INTS7: variants seen among roughly 807,000 people sequenced by gnomAD.
INTS7 encodes the protein integrator complex subunit 7, also known as chromosome 1 open reading frame 73.
INTS7 carries 46 observed loss-of-function variants against 109.2 expected under a neutral mutation model. The ratio of observed to expected loss-of-function variants is 0.42; its 90% CI spans 0.33 to 0.54. The LOEUF (loss-of-function observed/expected upper bound fraction) is 0.54. Ranked by LOEUF, INTS7 falls within the 20% of genes least tolerant of loss-of-function variation. INTS7 has a pLI of 0.07. For synonymous variants in INTS7, 412 were observed against 402.9 expected, an observed-to-expected ratio of 1.02 and a Z score of -0.27; for missense variants, 929 against 1,132.4, an observed-to-expected ratio of 0.82 and a Z score of 2.58.
In INTS7 at chr1:211,941,875, G is replaced by C; in HGVS notation, c.2838C>G (p.Ala946=). The change falls in exon 20 of 20, where the codon GCC becomes GCG. Residue 946 remains alanine, a synonymous_variant. Transcript: ENST00000366994. ...GCTGCTGCTGCTGTAATGGCTGCTG[G>C]GCTTGCTGCTGTTGTAAGCGAATTT... is the stretch of plus-strand genomic sequence containing the variant. The part of the protein sequence containing the change: ...SQQIRLQQQQ[A]QQPLQQQQQR... 6.2e-7 allele frequency: 1 copy of C among 1,614,138 alleles called. No homozygotes were observed. The highest frequency in any genetic ancestry group is 8.5e-7 in the Non-Finnish European group (1 of 1,180,016).
At chr1:212,014,887 T>C (rs1666340107) in intron 4 of INTS7, among the ~76,000 whole-genome samples, 1 of 152,194 alleles carries the variant, frequency 6.6e-6, no homozygotes, top group African/African-American at 2.4e-5. Flanking sequence ...TGATCTCCGC[T>C]CGCTATAACC....
intron 7 of INTS7, among the ~76,000 whole-genome samples, chr1:211,995,114 A>G (rs1335800169): frequency 6.6e-6 from 1 of 151,950 alleles, no homozygotes; most frequent in Non-Finnish European, 1.5e-5. Flanking sequence ...CAGCCATCAT[A>G]ATTTTCATTC....
chr1:211,950,649 CA>C (rs1200044175), intron 17 of INTS7, among the ~76,000 whole-genome samples: 1 of 152,216 alleles, frequency 6.6e-6, no homozygotes, highest in African/African-American at 2.4e-5. Flanking sequence ...TTAAACCTCA[CA>C]GTAATCCTAT....
chr1:212,013,599 T>C (rs1432090674), intron 4 of INTS7, among the ~76,000 whole-genome samples: 1 of 152,238 alleles, frequency 6.6e-6, no homozygotes, highest in Non-Finnish European at 1.5e-5. Flanking sequence ...CACATTCATT[T>C]ATCACTCACT....
At chr1:212,009,855 A>G (rs1299067781) in intron 5 of INTS7, among the ~76,000 whole-genome samples, 2 of 152,208 alleles carry the variant, frequency 1.3e-5, no homozygotes, top group Non-Finnish European at 2.9e-5. Context: ...ATGGTGGAAG[A>G]AAAAACACAA....
At position 212,010,752 on chromosome 1, in the gene INTS7, T is replaced by C. The variant is rs371908818; in HGVS notation, c.556+623A>G. Among the ~76,000 whole-genome samples the C allele has an allele frequency of 3.6e-4, 55 of 152,314 alleles. 2 individuals are homozygous for C. In the South Asian group the frequency reaches 0.011, roughly 30 times the overall value. On this transcript the variant is annotated intron_variant, in intron 5 of 19. Transcript: ENST00000366994. ...ATGGGTATTCAGCACAGTTACATGTTGTATAGGCTTAGAGCCTAGGAACAA... is the reference window on the plus strand; with the variant it reads ...ATGGGTATTCAGCACAGTTACATGTCGTATAGGCTTAGAGCCTAGGAACAA...
At position 211,942,362 on chromosome 1, in the gene INTS7, C is replaced by A. The variant is rs1662666572; in HGVS notation, c.2602-251G>T. ...CTACCTCCAGGGCCTACACTCTGAA[C>A]TACTAAGTGATGCTCCTCACTCTAC... is the stretch of plus-strand genomic sequence containing the variant. On this transcript the variant is annotated intron_variant, in intron 19 of 19. Transcript: ENST00000366994. The surrounding 1 kb of genome is among the most constrained non-coding windows in gnomAD (Gnocchi z 4.2). Among the ~76,000 whole-genome samples the A allele has an allele frequency of 6.6e-6, 1 of 152,214 alleles. No individual in the cohort carries two copies.
intron 8 of INTS7, among the ~76,000 whole-genome samples, chr1:211,984,299 T>C (rs1054885317): frequency 5.3e-5 from 8 of 152,196 alleles, no homozygotes; most frequent in Non-Finnish European, 8.8e-5. Context: ...AAACATGTTT[T>C]ATAACTTGTT....
At chr1:211,962,423 A>C (rs887470091) in intron 16 of INTS7, among the ~76,000 whole-genome samples, 1 of 152,204 alleles carries the variant, frequency 6.6e-6, no homozygotes, top group Non-Finnish European at 1.5e-5. Context: ...AGACTCCCAC[A>C]CAATAATGGT....
intron 4 of INTS7, among the ~76,000 whole-genome samples, chr1:212,015,928 G>A (rs1053418020): frequency 2.6e-5 from 4 of 151,060 alleles, no homozygotes; most frequent in East Asian, 1.9e-4. Context: ...CAAATATTAC[G>A]GCTTTTATTT....
intron 1 of INTS7, among the ~76,000 whole-genome samples, chr1:212,031,239 G>C (rs1468032636): frequency 6.6e-6 from 1 of 152,152 alleles, no homozygotes. Flanking sequence ...TTTTCCCAGG[G>C]GGAAGGAGAT....
rs1054686991 is a variant in INTS7 at position 211,946,862 on chromosome 1, T to C, written c.2317-157A>G. Among the ~76,000 whole-genome samples, 2 of 152,238 alleles carry C rather than the reference T, an allele frequency of 1.3e-5. No individual in the cohort carries two copies. Among genetic ancestry groups the C allele is most frequent in the African/African-American group, 4.8e-5 (2 of 41,458 alleles). ...ATCACATCCAGGAACTGTGCATACA[T>C]ACTAAATCATTCATTACAGATTTTT... On this transcript the variant is annotated intron_variant, in intron 17 of 19. Transcript: ENST00000366994. This position sits in a 1 kb window ranked among gnomAD's most constrained non-coding sequence, Gnocchi z 4.3.
At chr1:211,984,787 T>C (rs1664821143) in intron 8 of INTS7, among the ~76,000 whole-genome samples, 1 of 152,078 alleles carries the variant, frequency 6.6e-6, no homozygotes, top group South Asian at 2.1e-4. Context: ...TTCTTTCTTT[T>C]TCCTTTTCAC....
At chr1:211,960,127 A>G (rs1053491172) in intron 16 of INTS7, among the ~76,000 whole-genome samples, 3 of 152,184 alleles carry the variant, frequency 2.0e-5, no homozygotes, top group African/African-American at 7.2e-5. Flanking sequence ...CCTAGCCTCA[A>G]GGAGCCAGAG....
At chr1:211,986,651 T>C (rs1368034306) in intron 8 of INTS7, among the ~76,000 whole-genome samples, 2 of 152,068 alleles carry the variant, frequency 1.3e-5, no homozygotes, top group Non-Finnish European at 2.9e-5. Context: ...ACTGCTAGAG[T>C]ATATTCTGGA....
At chr1:211,953,186 G>A (rs1312353361) in intron 16 of INTS7, among the ~76,000 whole-genome samples, 1 of 152,134 alleles carries the variant, frequency 6.6e-6, no homozygotes, top group Non-Finnish European at 1.5e-5. Flanking sequence ...GAAAGTACAG[G>A]ACATTCATAG....
At chr1:212,004,696 T>C (rs1220358345) in intron 7 of INTS7, among the ~76,000 whole-genome samples, 2 of 152,184 alleles carry the variant, frequency 1.3e-5, no homozygotes, top group East Asian at 3.8e-4. Context: ...TAACAAAGTA[T>C]GAGTATTCCA....
chr1:211,958,672 C>A (rs1663473689), intron 16 of INTS7, among the ~76,000 whole-genome samples: 2 of 152,186 alleles, frequency 1.3e-5, no homozygotes, highest in Non-Finnish European at 2.9e-5. Flanking sequence ...CATTACCCCA[C>A]AGGCCAGCTT....
Position 211,967,874 on chromosome 1 carries a change from A to G in INTS7, c.2114+4T>C. 6.5e-7 allele frequency: 1 copy of G among 1,533,448 alleles called. No individual in the cohort carries two copies. The highest frequency in any genetic ancestry group is 9.0e-7 in the Non-Finnish European group (1 of 1,111,904). 95.0% of individuals were successfully genotyped at this position (1,533,448 alleles called of 1,614,324 possible). On this transcript the variant is annotated splice_donor_region_variant and intron_variant, in intron 15 of 19. Coordinates refer to ENST00000366994, the MANE Select transcript of INTS7 (RefSeq NM_015434.4). ...CAAGAAGTACTAGGGCAAGCTTGGG[A>G]TACAGTTCAACATTCCTCAAAGTTG...
Sources: allele counts gnomAD v4.1 joint callset (sites outside exome capture counted in the v4.1 genomes callset), GRCh38; gene constraint gnomAD v4.1.1; non-coding constraint Gnocchi (gnomAD v3.1); transcripts MANE v1.5; gene names NCBI Gene and HGNC (gene_info 2026-07-23, HGNC 2026-07-21).